ACTA2: variants seen among roughly 807,000 people sequenced by gnomAD.
ACTA2 encodes the protein actin alpha 2, smooth muscle.
In ACTA2, 12 loss-of-function variants were observed where a neutral mutation model predicts 39.5. That is an observed-to-expected ratio of 0.30 (90% CI 0.19 to 0.49). ACTA2 has a LOEUF of 0.49. ACTA2 is among the 20% of genes least tolerant of loss of function. The pLI, the probability that ACTA2 is intolerant of heterozygous loss-of-function variation, is 0.99. For missense variants in ACTA2, 236 were observed against 498.8 expected, an observed-to-expected ratio of 0.47 and a Z score of 5.02; for synonymous variants, 158 against 180.6, an observed-to-expected ratio of 0.88 and a Z score of 1.00.
At chr10:88,942,079 G>T (rs1177540290) in intron 4 of ACTA2, among the ~76,000 whole-genome samples, 1 of 152,190 alleles carries the variant, frequency 6.6e-6, no homozygotes, top group Non-Finnish European at 1.5e-5. Flanking sequence ...GCCTGACAGG[G>T]TGGGGAGGGG....
rs1290926270 is a variant in ACTA2, at chr10:88,990,891, G to A, written c.-24+48C>T. 1.2e-6 allele frequency: 2 copies of A among 1,614,122 alleles called. No homozygotes were observed. Reference sequence around the variant, plus strand: ...GCTCAACAACCATGCTGGGCATCTGGACCCTCCTACCTCTGGTGAGCCCTC... The same window carrying A: ...GCTCAACAACCATGCTGGGCATCTGAACCCTCCTACCTCTGGTGAGCCCTC... On this transcript the variant is annotated intron_variant, in intron 1 of 4. Transcript: ENST00000415557. This position sits in a 1 kb window ranked among gnomAD's most constrained non-coding sequence, Gnocchi z 4.9.
intron 1 of ACTA2, among the ~76,000 whole-genome samples, chr10:88,959,472 C>T (rs1846192187): frequency 6.6e-6 from 1 of 152,170 alleles, no homozygotes; most frequent in African/African-American, 2.4e-5. Context: ...AAAGCTGACT[C>T]TCTTTCCCCT....
At position 88,948,807 on chromosome 10, in the gene ACTA2, G is replaced by A; in HGVS notation, c.124C>T (p.His42Tyr). ...CCAATCATAATTTTCCTCACCTGAT[G>A]TCTGGGACGTCCCACAATGGATGGG... is the stretch of plus-strand genomic sequence containing the variant. Reference protein sequence around the residue: ...VFPSIVGRPRHQGVMVGMGQK... With the variant: ...VFPSIVGRPRYQGVMVGMGQK... The change falls in exon 2 of 9, where the codon CAT (histidine) becomes TAT (tyrosine). Residue 42 changes from histidine to tyrosine, a missense_variant. By Grantham distance (83) the His-to-Tyr change is moderately conservative. Transcript: ENST00000224784. The A allele has an allele frequency of 6.2e-7, 1 of 1,613,914 alleles. No homozygotes were observed. Among genetic ancestry groups the A allele is most frequent in the Non-Finnish European group, 8.5e-7 (1 of 1,179,868 alleles).
chr10:88,940,712 A>G (rs1589393454), intron 6 of ACTA2: 1 of 211,716 alleles, frequency 4.7e-6, no homozygotes, highest in African/African-American at 2.2e-5. Context: ...TTAATAGCTA[A>G]CAATTATTGA....
In ACTA2 at chr10:88,940,086, GTTAACCAGGATATCTTATGC is replaced by G. The variant is rs1845820641; in HGVS notation, c.617-408_617-389del. ...GAAAGTTTGTTATATTGTATTTTCA[GTTAACCAGGATATCTTATGC>G]TGAATCAGCTCCTCAGGGGCCTCAC... On this transcript the variant is annotated intron_variant, in intron 6 of 8. Transcript: ENST00000224784. 5 of 281,814 alleles carry G rather than the reference GTTAACCAGGATATCTTATGC, an allele frequency of 1.8e-5. No homozygotes were observed. The South Asian group carries it at 1.8e-4, about 10-fold the overall frequency. 17.5% of individuals were successfully genotyped at this position (281,814 alleles called of 1,614,324 possible).
chr10:88,936,613 G>A (rs2133241863), intron 8 of ACTA2, among the ~76,000 whole-genome samples: 1 of 145,102 alleles, frequency 6.9e-6, no homozygotes, highest in Admixed American at 7.3e-5. Flanking sequence ...TGAGGTGTCT[G>A]CCCCTGCTTC....
intron 1 of ACTA2, among the ~76,000 whole-genome samples, chr10:88,957,997 A>T (rs1171877079): frequency 6.6e-6 from 1 of 151,720 alleles, no homozygotes. Flanking sequence ...CGAACTCCTG[A>T]CCTCGTGATC....
At chr10:88,963,421 G>GTAAGGGATTAAACAA (rs1313133181) in intron 1 of ACTA2, among the ~76,000 whole-genome samples, 1 of 152,080 alleles carries the variant, frequency 6.6e-6, no homozygotes, top group African/African-American at 2.4e-5. Flanking sequence ...CTCGTCAGGA[G>GTAAGGGATTAAACAA]TAAGTCTGAC....
At chr10:88,962,220 C>T (rs1372165159) in intron 1 of ACTA2, among the ~76,000 whole-genome samples, 1 of 152,096 alleles carries the variant, frequency 6.6e-6, no homozygotes, top group Admixed American at 6.6e-5. Context: ...GCAAAAATCC[C>T]TTCATTTAAA....
At chr10:88,943,604 G>C (rs1845894325) in intron 4 of ACTA2, 193 bp downstream of exon 4, 1 of 672,942 alleles carries the variant, frequency 1.5e-6, no homozygotes, top group Non-Finnish European at 2.7e-6. Flanking sequence ...GGAGGCAAAG[G>C]GCTGGTCCCT....
chr10:88,970,668 A>G (rs1846419386), intron 1 of ACTA2, among the ~76,000 whole-genome samples: 1 of 152,172 alleles, frequency 6.6e-6, no homozygotes, highest in Non-Finnish European at 1.5e-5. Context: ...GAATTGAACA[A>G]TGAGAACACT....
At chr10:88,987,211 G>GT (rs1319299254) in intron 1 of ACTA2, among the ~76,000 whole-genome samples, 1 of 152,210 alleles carries the variant, frequency 6.6e-6, no homozygotes, top group African/African-American at 2.4e-5. Context: ...CTACAGAATT[G>GT]TTTAAGCAAT....
intron 3 of ACTA2, among the ~76,000 whole-genome samples, chr10:88,946,363 C>T (rs1457572762): frequency 6.8e-6 from 1 of 146,888 alleles, no homozygotes; most frequent in Non-Finnish European, 1.5e-5. Context: ...TGATCCAGTG[C>T]TGAGATTACA....
intron 1 of ACTA2, among the ~76,000 whole-genome samples, chr10:88,987,398 C>A (rs1846933577): frequency 6.6e-6 from 1 of 152,078 alleles, no homozygotes; most frequent in Non-Finnish European, 1.5e-5. Context: ...TTTGGGTGGT[C>A]CAGGGTTCAA....
intron 5 of ACTA2, 115 bp from the exon 6 acceptor site, chr10:88,941,505 G>A: frequency 1.5e-6 from 2 of 1,354,050 alleles, no homozygotes; most frequent in Non-Finnish European, 2.1e-6. Flanking sequence ...TATTTAAAAA[G>A]AGAAAACAGG....
chr10:88,984,536 C>A (rs999547494), intron 1 of ACTA2, among the ~76,000 whole-genome samples: 1 of 152,196 alleles, frequency 6.6e-6, no homozygotes. Context: ...CATCTATTTG[C>A]TATATGAAAA....
intron 1 of ACTA2, among the ~76,000 whole-genome samples, chr10:88,976,699 A>G (rs926827062): frequency 6.6e-6 from 1 of 152,258 alleles, no homozygotes; most frequent in South Asian, 2.1e-4. Context: ...ATAATTTTAA[A>G]TTAACAAAAT....
At chr10:88,961,069 T>C (rs1846219444) in intron 1 of ACTA2, among the ~76,000 whole-genome samples, 1 of 152,170 alleles carries the variant, frequency 6.6e-6, no homozygotes, top group Admixed American at 6.6e-5. Flanking sequence ...CTGAGAATGC[T>C]TAGTCAGAAG....
At chr10:88,968,399 A>G (rs990397983) in intron 1 of ACTA2, among the ~76,000 whole-genome samples, 1 of 37,650 alleles carries the variant, frequency 2.7e-5, no homozygotes, top group African/African-American at 7.0e-5. Flanking sequence ...TAAAACTCAT[A>G]ATGGAGCAAT....
Sources: gnomAD v4.1 joint callset for allele counts (sites outside exome capture counted in the v4.1 genomes callset) on GRCh38, gnomAD v4.1.1 for gene constraint, Gnocchi (gnomAD v3.1) non-coding constraint, MANE v1.5 for transcripts, NCBI Gene and HGNC (gene_info 2026-07-23, HGNC 2026-07-21) for gene names.